OPCML: variants seen among roughly 807,000 people sequenced by gnomAD.
OPCML encodes the protein opioid binding protein/cell adhesion molecule like.
Under a neutral mutation model 37.8 loss-of-function variants are expected in OPCML, and 13 were observed. The ratio of observed to expected loss-of-function variants is 0.34; its 90% confidence interval spans 0.22 to 0.55. The LOEUF is 0.55. OPCML is among the 20% of genes least tolerant of loss of function. The pLI is 0.91. For missense variants in OPCML, 341 were observed against 435.6 expected (o/e 0.78, Z 1.93); for synonymous variants, 176 against 168.8 (o/e 1.04, Z -0.33).
chr11:132,875,650 G>C (rs905337314), intron 2 of OPCML, among the ~76,000 whole-genome samples: 1 of 152,072 alleles, frequency 6.6e-6, no homozygotes, highest in African/African-American at 2.4e-5. Context: ...TTCTAGTAGA[G>C]ACAGGGTTTC....
At chr11:132,807,405 T>C (rs1348051642) in intron 2 of OPCML, among the ~76,000 whole-genome samples, 4 of 152,152 alleles carry the variant, frequency 2.6e-5, no homozygotes, top group Non-Finnish European at 4.4e-5. Flanking sequence ...CCCCATGAAC[T>C]TGACAACTCT....
chr11:132,558,216 CTCTT>C (rs2096400315), intron 3 of OPCML, among the ~76,000 whole-genome samples: 1 of 151,924 alleles, frequency 6.6e-6, no homozygotes, highest in South Asian at 2.1e-4. Flanking sequence ...CTTTTCCTTT[CTCTT>C]TTTCTTCTTC....
At chr11:133,509,470 T>A (rs1948107602) in intron 1 of OPCML, among the ~76,000 whole-genome samples, 1 of 152,232 alleles carries the variant, frequency 6.6e-6, no homozygotes, top group Admixed American at 6.5e-5. Context: ...CACTCTATCA[T>A]TGATGGGCAT....
chr11:132,490,547 T>C (rs1358676741), intron 4 of OPCML, among the ~76,000 whole-genome samples: 2 of 151,310 alleles, frequency 1.3e-5, no homozygotes, highest in Admixed American at 6.6e-5. Context: ...GCCTGACCTT[T>C]GCTTTGAAAT....
chr11:133,502,458 G>A lies in OPCML; in HGVS notation c.61+29806C>T, dbSNP rs766980960. Among the ~76,000 whole-genome samples, 4 of 152,282 alleles carry A rather than the reference G, an allele frequency of 2.6e-5. No individual in the cohort carries two copies. In the South Asian group the frequency reaches 8.3e-4, roughly 32 times the overall value. ...GGAAAGGAGGAGGGGCCGCTCCCTC[G>A]CCCCAACTGGAGCAGTGCTGAGGTC... On this transcript the variant is annotated intron_variant, in intron 1 of 7. Coordinates refer to ENST00000524381, the MANE Select transcript of OPCML (RefSeq NM_001012393.5).
intron 1 of OPCML, among the ~76,000 whole-genome samples, chr11:133,198,804 T>C (rs554507305): frequency 6.6e-5 from 10 of 152,346 alleles, no homozygotes; most frequent in African/African-American, 2.4e-4. Flanking sequence ...CAGAGGCTGC[T>C]TGAATGCATG....
intron 4 of OPCML, among the ~76,000 whole-genome samples, chr11:132,528,676 T>G (rs1437072214): frequency 3.3e-5 from 5 of 152,212 alleles, no homozygotes; most frequent in African/African-American, 7.2e-5. Context: ...CTTTTACTCC[T>G]GGACGCACAA....
At chr11:132,985,152 T>C (rs1946663097) in intron 1 of OPCML, among the ~76,000 whole-genome samples, 2 of 152,192 alleles carry the variant, frequency 1.3e-5, no homozygotes, top group Non-Finnish European at 2.9e-5. Context: ...ATTCTTATTG[T>C]TATATAACAA....
At chr11:132,894,638 T>A (rs1337064581) in intron 2 of OPCML, among the ~76,000 whole-genome samples, 2 of 152,202 alleles carry the variant, frequency 1.3e-5, no homozygotes, top group African/African-American at 2.4e-5. Context: ...GTAGACCAAG[T>A]GGAGAAGATC....
At chr11:132,879,317 A>C (rs1943138898) in intron 2 of OPCML, among the ~76,000 whole-genome samples, 1 of 152,230 alleles carries the variant, frequency 6.6e-6, no homozygotes, top group Non-Finnish European at 1.5e-5. Flanking sequence ...GCTGAAAGAC[A>C]CCAAGAAATA....
chr11:132,650,910 A>T (rs1377381461), intron 3 of OPCML, among the ~76,000 whole-genome samples: 2 of 152,212 alleles, frequency 1.3e-5, no homozygotes, highest in African/African-American at 2.4e-5. Context: ...CTATAAGCAC[A>T]CATGTTCATT....
chr11:133,353,438 G>A (rs779073746), intron 1 of OPCML, among the ~76,000 whole-genome samples: 19 of 152,088 alleles, frequency 1.2e-4, no homozygotes. Flanking sequence ...TGGATTACAG[G>A]CATGAGCCAC....
chr11:132,676,753 T>A (rs1591711582), intron 2 of OPCML, among the ~76,000 whole-genome samples: 1 of 116,202 alleles, frequency 8.6e-6, no homozygotes, highest in Non-Finnish European at 1.8e-5. Flanking sequence ...CTAGAGCAGC[T>A]ATAATAAGAA....
intron 2 of OPCML, among the ~76,000 whole-genome samples, chr11:132,916,145 T>C (rs1944594805): frequency 1.3e-5 from 2 of 152,322 alleles, no homozygotes; most frequent in South Asian, 4.1e-4. Flanking sequence ...TTGATTGTAG[T>C]ATAAAGTGTA....
chr11:132,579,121 T>C (rs952986616), intron 3 of OPCML, among the ~76,000 whole-genome samples: 2 of 152,176 alleles, frequency 1.3e-5, no homozygotes, highest in African/African-American at 4.8e-5. Context: ...AGGCCTATAT[T>C]AATCAAACAA....
intron 1 of OPCML, among the ~76,000 whole-genome samples, chr11:133,115,730 T>G (rs1949323400): frequency 6.6e-6 from 1 of 152,160 alleles, no homozygotes; most frequent in African/African-American, 2.4e-5. Context: ...AAGTGTAAGT[T>G]TATTTATATA....
intron 1 of OPCML, among the ~76,000 whole-genome samples, chr11:132,987,917 A>G (rs1328653495): frequency 6.6e-6 from 1 of 152,194 alleles, no homozygotes; most frequent in African/African-American, 2.4e-5. Context: ...TAAATTATAA[A>G]TAGGGAAAAT....
chr11:133,531,175 T>C (rs568494402), intron 1 of OPCML, among the ~76,000 whole-genome samples: 4 of 152,354 alleles, frequency 2.6e-5, no homozygotes, highest in Admixed American at 2.0e-4. Context: ...AAGCATAACC[T>C]AGCCCCTTCG....
At chr11:133,241,054 CCT>C (rs1246409132) in intron 1 of OPCML, among the ~76,000 whole-genome samples, 1 of 152,218 alleles carries the variant, frequency 6.6e-6, no homozygotes, top group East Asian at 1.9e-4. Flanking sequence ...CGCAGCCCTT[CCT>C]CTTTCTCTCG....
Sources: gnomAD v4.1 joint callset for allele counts (sites outside exome capture counted in the v4.1 genomes callset) on GRCh38, gnomAD v4.1.1 for gene constraint, MANE v1.5 for transcripts, NCBI Gene and HGNC (gene_info 2026-07-23, HGNC 2026-07-21) for gene names.